Variants in TEC observed in about 807,000 individuals in gnomAD.
TEC encodes tec protein tyrosine kinase, also known as tyrosine-protein kinase Tec.
In TEC, 72 loss-of-function variants were observed where a neutral mutation model predicts 93.0. The ratio of observed to expected loss-of-function variants is 0.77; its 90% CI spans 0.64 to 0.94. The LOEUF (loss-of-function observed/expected upper bound fraction) is 0.94, where lower values mean the gene tolerates loss of function less well. Among genes scored for constraint, TEC ranks in the 40% least tolerant of loss-of-function variants. The probability of loss-of-function intolerance (pLI) is 0.00; values close to 1 mark genes in which losing one functional copy is unlikely to be tolerated. For synonymous variants in TEC, 249 were observed against 247.7 expected, an observed-to-expected ratio of 1.01 and a Z score of -0.05; for missense variants, 630 against 757.9, an observed-to-expected ratio of 0.83 and a Z score of 1.98.
At chr4:48,171,052 A>G (rs572218726) in intron 4 of TEC, among the ~76,000 whole-genome samples, 16 of 151,986 alleles carry the variant, frequency 1.1e-4, no homozygotes, top group African/African-American at 3.9e-4. Flanking sequence ...CTCTGTCTCA[A>G]AAAAAAAACA....
At chr4:48,253,420 T>A (rs1724260854) in intron 1 of TEC, among the ~76,000 whole-genome samples, 3 of 152,092 alleles carry the variant, frequency 2.0e-5, no homozygotes, top group Non-Finnish European at 4.4e-5. Flanking sequence ...TTACTCCTTC[T>A]CACCTTTTAC....
intron 14 of TEC, 146 bp from the exon 15 acceptor site, chr4:48,141,565 C>T (rs1166903258): frequency 3.0e-6 from 2 of 664,370 alleles, no homozygotes; most frequent in African/African-American, 3.7e-5. Flanking sequence ...TGTTTTTACC[C>T]CTATGGAAGT....
chr4:48,172,278 A>T (rs1721145052), intron 3 of TEC, among the ~76,000 whole-genome samples: 1 of 151,524 alleles, frequency 6.6e-6, no homozygotes, highest in African/African-American at 2.4e-5. Flanking sequence ...AAATCTGTTT[A>T]GACTGGCTAA....
chr4:48,267,876 G>A (rs752843194), intron 1 of TEC, among the ~76,000 whole-genome samples: 11 of 152,248 alleles, frequency 7.2e-5, no homozygotes, highest in Non-Finnish European at 1.6e-4. Flanking sequence ...GGGGCAGGGA[G>A]GAGAGGCACC....
chr4:48,160,349 C>T (rs145825263), intron 8 of TEC, among the ~76,000 whole-genome samples: 2 of 152,134 alleles, frequency 1.3e-5, no homozygotes, highest in African/African-American at 4.8e-5. Context: ...AGAACACACA[C>T]CCAAGCCTAA....
intron 2 of TEC, among the ~76,000 whole-genome samples, chr4:48,195,047 G>C (rs545111172): frequency 6.6e-6 from 1 of 152,298 alleles, no homozygotes; most frequent in East Asian, 1.9e-4. Flanking sequence ...TAAGAGTGTG[G>C]TGATGGCACT....
intron 10 of TEC, among the ~76,000 whole-genome samples, chr4:48,150,285 T>C (rs939989063): frequency 1.3e-5 from 2 of 152,174 alleles, no homozygotes; most frequent in African/African-American, 2.4e-5. Flanking sequence ...TGCCTTGAAC[T>C]CACCATATAC....
chr4:48,165,407 A>T (rs1720837883), intron 7 of TEC, among the ~76,000 whole-genome samples: 1 of 152,232 alleles, frequency 6.6e-6, no homozygotes, highest in Non-Finnish European at 1.5e-5. Context: ...AGAACTACTA[A>T]ATGCAGATGG....
intron 1 of TEC, among the ~76,000 whole-genome samples, chr4:48,265,875 G>T (rs1451131776): frequency 6.6e-6 from 1 of 152,098 alleles, no homozygotes; most frequent in Non-Finnish European, 1.5e-5. Context: ...GATTCAAAGA[G>T]CCCAACACAA....
rs548505387 is a variant in TEC at position 48,242,377 on chromosome 4, T to C, written c.-45-13718A>G. On this transcript the variant is annotated intron_variant, in intron 1 of 17. Transcript: ENST00000381501. Reference sequence around the variant, plus strand: ...ACACTGCCTGAAATATATTGGGTATTCGGTAAGTATTTATCGGATGACAAT... The same window carrying C: ...ACACTGCCTGAAATATATTGGGTATCCGGTAAGTATTTATCGGATGACAAT... Among the ~76,000 whole-genome samples, 3 of 152,334 alleles carry C rather than the reference T, an allele frequency of 2.0e-5. No homozygotes were observed. In the South Asian group the frequency reaches 6.2e-4, roughly 32 times the overall value.
chr4:48,145,672 C>T, intron 12 of TEC, 93 bp from the exon 13 acceptor site: 1 of 1,342,824 alleles, frequency 7.4e-7, no homozygotes, highest in Middle Eastern at 2.1e-4. Context: ...CAAGATCAAC[C>T]TCAAAATTAC....
intron 15 of TEC, 56 bp downstream of exon 15, chr4:48,141,299 T>C (rs1719651497): frequency 6.8e-7 from 1 of 1,481,144 alleles, no homozygotes; most frequent in Admixed American, 1.7e-5. Flanking sequence ...CCCACACTTA[T>C]TAATTCCACC....
At chr4:48,167,418 A>G (rs1720914019) in intron 7 of TEC, among the ~76,000 whole-genome samples, 1 of 152,122 alleles carries the variant, frequency 6.6e-6, no homozygotes. Flanking sequence ...ATAGAGAGAG[A>G]GAGTCTAAGA....
At position 48,138,936 on chromosome 4, in the gene TEC, C is replaced by A. The variant is rs746133746; in HGVS notation, c.1622G>T (p.Arg541Leu). 3.1e-6 allele frequency: 5 copies of A among 1,614,146 alleles called. No homozygotes were observed. In the African/African-American group the frequency reaches 4.0e-5, roughly 13 times the overall value. ...CCAGACATCTGATTTGCTGCTGAAGCGGCTGTAATTAAACACTTCAGGTGG... is the reference window on the plus strand; with the variant it reads ...CCAGACATCTGATTTGCTGCTGAAGAGGCTGTAATTAAACACTTCAGGTGG... ...WCPPEVFNYS[R>L]FSSKSDVWSF... Residue 541 changes from arginine to leucine, a missense_variant, in exon 16 of 18, where the codon CGC (arginine) becomes CTC (leucine). Transcript: ENST00000381501.
rs1337696417 is a variant in TEC, at chr4:48,137,504, A to C, written c.1813-5T>G. ...AGAAGGCCTTCCCTCTGGTTTCTACAATTAAAAGTCAAAGAGAAGCTGTGG... is the reference window on the plus strand; with the variant it reads ...AGAAGGCCTTCCCTCTGGTTTCTACCATTAAAAGTCAAAGAGAAGCTGTGG... On this transcript the variant is annotated splice_region_variant and splice_polypyrimidine_tract_variant and intron_variant, in intron 17 of 17. Transcript: ENST00000381501. 2 of 1,613,562 alleles carry C rather than the reference A, an allele frequency of 1.2e-6. No homozygotes were observed. The highest frequency in any genetic ancestry group is 1.7e-6 in the Non-Finnish European group (2 of 1,179,732).
chr4:48,210,521 T>TGAG (rs749110897), intron 2 of TEC, among the ~76,000 whole-genome samples: 11 of 125,370 alleles, frequency 8.8e-5, no homozygotes, highest in Non-Finnish European at 1.6e-4. Flanking sequence ...AGGAGGATGA[T>TGAG]GAGGAGGAGG....
At chr4:48,199,777 G>C (rs1279629562) in intron 2 of TEC, among the ~76,000 whole-genome samples, 2 of 151,960 alleles carry the variant, frequency 1.3e-5, no homozygotes, top group East Asian at 3.9e-4. Flanking sequence ...AAAAAGAATG[G>C]ATTTTTATAT....
chr4:48,177,899 T>C (rs922143379), intron 2 of TEC, among the ~76,000 whole-genome samples: 1 of 152,232 alleles, frequency 6.6e-6, no homozygotes, highest in African/African-American at 2.4e-5. Context: ...TGCCGCCATG[T>C]AAGATGTGCC....
At chr4:48,170,816 C>T (rs1454772971) in intron 4 of TEC, among the ~76,000 whole-genome samples, 6 of 152,144 alleles carry the variant, frequency 3.9e-5, no homozygotes, top group African/African-American at 1.4e-4. Context: ...TTTGGGAGGC[C>T]GAGGTGGGCA....
Sources: gnomAD v4.1 joint callset for allele counts (sites outside exome capture counted in the v4.1 genomes callset) on GRCh38, gnomAD v4.1.1 for gene constraint, MANE v1.5 for transcripts, NCBI Gene and HGNC (gene_info 2026-07-23, HGNC 2026-07-21) for gene names.